ESR2: variants seen among roughly 807,000 people sequenced by gnomAD.
ESR2 encodes the protein estrogen receptor 2.
ESR2 carries 36 observed loss-of-function variants against 49.6 expected under a neutral mutation model. That is an observed-to-expected ratio of 0.73 (90% CI 0.56 to 0.96). The LOEUF is 0.96. Ranked by LOEUF, ESR2 falls within the 40% of genes least tolerant of loss-of-function variation. The pLI is 0.00. For missense variants in ESR2, 714 were observed against 693.0 expected, an observed-to-expected ratio of 1.03 and a Z score of -0.34; for synonymous variants, 320 against 266.1, an observed-to-expected ratio of 1.20 and a Z score of -1.97.
intron 1 of ESR2, among the ~76,000 whole-genome samples, chr14:64,321,261 G>A (rs546569353): frequency 1.1e-3 from 162 of 151,974 alleles, no homozygotes; most frequent in African/African-American, 3.8e-3. Context: ...AAAGCAGATT[G>A]GTGGTTGCCC....
rs1236746314 is a variant in ESR2 at position 64,280,214 on chromosome 14, G to GGA, written c.363-63_363-62dup. ...TAAAAGGGAAAGGAAGGGCTTTCTAGGAAAAAAAAATAGCATGAACATTGC... is the reference window on the plus strand; with the variant it reads ...TAAAAGGGAAAGGAAGGGCTTTCTAGGAGAAAAAAAAATAGCATGAACATTGC... On this transcript the variant is annotated intron_variant, in intron 2 of 8. Transcript: ENST00000341099. 2.5e-6 allele frequency: 3 copies of GGA among 1,188,676 alleles called. No homozygotes were observed. In the African/African-American group the frequency reaches 9.0e-5, roughly 36 times the overall value. 73.6% of individuals were successfully genotyped at this position (1,188,676 alleles called of 1,614,324 possible).
upstream of ESR2, among the ~76,000 whole-genome samples, chr14:64,295,199 A>AC (rs3841304): frequency 3.5e-3 from 509 of 146,306 alleles, 3 homozygotes; most frequent in South Asian, 0.029. Context: ...CATTGTGAGA[A>AC]CCCCCCAGTG....
At chr14:64,266,185 T>C (rs2076324281) in intron 4 of ESR2, among the ~76,000 whole-genome samples, 2 of 152,210 alleles carry the variant, frequency 1.3e-5, no homozygotes, top group Non-Finnish European at 2.9e-5. Context: ...TGAAACAGTG[T>C]TGTATCAAAG....
chr14:64,260,600 C>A lies in ESR2; in HGVS notation c.801G>T (p.Gln267His), dbSNP rs149404315. ...ELLLDALSPE[Q>H]LVLTLLEAEP... ...CAGCCTCCAGGAGGGTGAGCACTAG[C>A]TGCTCGGGGCTCAGGGCGTCCAGCA... Residue 267 changes from glutamine to histidine, a missense_variant, in exon 5 of 9, where the codon CAG becomes CAT. Physicochemically the swap from Gln to His is conservative, Grantham distance 24. Transcript: ENST00000341099. 3.8e-4 allele frequency: 604 copies of A among 1,610,664 alleles called. 3 individuals are homozygous for A. The African/African-American group carries it at 7.4e-3, about 20-fold the overall frequency.
chr14:64,313,889 AAAAGAAAG>A (rs1197600388), intron 1 of ESR2, among the ~76,000 whole-genome samples: 163 of 151,844 alleles, frequency 1.1e-3, no homozygotes, highest in Non-Finnish European at 2.0e-3. Context: ...AAAAAAAAAA[AAAAGAAAG>A]AAAGAAAGAA....
chr14:64,302,374 A>G (rs1175900706), intron 1 of ESR2, among the ~76,000 whole-genome samples: 1 of 151,428 alleles, frequency 6.6e-6, no homozygotes, highest in East Asian at 2.0e-4. Flanking sequence ...TTTTTAGTAG[A>G]GATGGAATTT....
chr14:64,269,210 T>A (rs926297702), intron 3 of ESR2, among the ~76,000 whole-genome samples: 2 of 152,240 alleles, frequency 1.3e-5, no homozygotes, highest in African/African-American at 4.8e-5. Context: ...AAGACTAACA[T>A]TAAATTGATT....
chr14:64,250,348 A>G, intron 6 of ESR2, among the ~76,000 whole-genome samples: 1 of 152,238 alleles, frequency 6.6e-6, no homozygotes, highest in Admixed American at 6.5e-5. Flanking sequence ...TCAAGCAAGG[A>G]TTATCTTTAA....
chr14:64,320,416 T>C (rs888542659), intron 1 of ESR2, among the ~76,000 whole-genome samples: 4 of 150,930 alleles, frequency 2.7e-5, no homozygotes, highest in East Asian at 1.9e-4. Flanking sequence ...AAAAAAGTTG[T>C]GGTTGCCAGA....
Position 64,228,870 on chromosome 14 carries a change from C to A in ESR2, c.*4267G>T, listed in dbSNP as rs2140583916. ...TGGCACTACGATCATACATCACAGA[C>A]AATGCACATCTTAAGAGCTGCCACT... On this transcript the variant is annotated 3_prime_UTR_variant, in exon 9 of 9. Transcript: ENST00000341099. 6.6e-6 allele frequency among the ~76,000 whole-genome samples: 1 copy of A among 152,322 alleles called. No individual in the cohort carries two copies. The highest frequency in any genetic ancestry group is 2.1e-4 in the South Asian group (1 of 4,824).
At chr14:64,262,478 A>G (rs2076243551) in intron 4 of ESR2, among the ~76,000 whole-genome samples, 1 of 152,210 alleles carries the variant, frequency 6.6e-6, no homozygotes, top group South Asian at 2.1e-4. Flanking sequence ...ATAACATGCA[A>G]AATCAGAGAG....
At chr14:64,285,066 G>A (rs560550671) in intron 1 of ESR2, among the ~76,000 whole-genome samples, 117 of 151,954 alleles carry the variant, frequency 7.7e-4, no homozygotes, top group African/African-American at 2.7e-3. Flanking sequence ...GGCCAGGCTC[G>A]TCTTGAAATC....
Position 64,235,164 on chromosome 14 carries a change from A to G in ESR2, c.1226-14T>C. On this transcript the variant is annotated splice_polypyrimidine_tract_variant and intron_variant, in intron 7 of 8. Transcript: ENST00000341099. Reference sequence around the variant, plus strand: ...GAGGGTACATACCTGGACAAAGAATAAAAGCCAGAAGTCATTGCTCTGAGC... The same window carrying G: ...GAGGGTACATACCTGGACAAAGAATGAAAGCCAGAAGTCATTGCTCTGAGC... The G allele has an allele frequency of 6.2e-7, 1 of 1,606,992 alleles. No individual in the cohort carries two copies. The highest frequency in any genetic ancestry group is 8.5e-7 in the Non-Finnish European group (1 of 1,176,160).
intron 1 of ESR2, among the ~76,000 whole-genome samples, chr14:64,320,001 T>C (rs891459911): frequency 1.3e-5 from 2 of 152,184 alleles, no homozygotes; most frequent in African/African-American, 2.4e-5. Context: ...AGCAGCTTTA[T>C]TTATAATTGT....
intron 7 of ESR2, among the ~76,000 whole-genome samples, chr14:64,240,296 C>A (rs1395937779): frequency 6.6e-6 from 1 of 152,190 alleles, no homozygotes; most frequent in Non-Finnish European, 1.5e-5. Context: ...CCTGGCAAGG[C>A]CATCTAGCAG....
At chr14:64,334,136 T>C (rs925608241) in intron 1 of ESR2, among the ~76,000 whole-genome samples, 1 of 152,188 alleles carries the variant, frequency 6.6e-6, no homozygotes, top group Non-Finnish European at 1.5e-5. Flanking sequence ...GAAAAGAACA[T>C]TAAGTGTATG....
At chr14:64,277,975 CAA>C (rs67110377) in intron 3 of ESR2, among the ~76,000 whole-genome samples, 48 of 144,850 alleles carry the variant, frequency 3.3e-4, no homozygotes, top group African/African-American at 3.7e-4. Context: ...TCCCCAAAAG[CAA>C]AAAAAAAAAA....
chr14:64,304,183 T>C (rs561923106), intron 1 of ESR2, among the ~76,000 whole-genome samples: 1 of 152,352 alleles, frequency 6.6e-6, no homozygotes, highest in East Asian at 1.9e-4. Flanking sequence ...GGTGCATGCC[T>C]GTAGTCCTAG....
At chr14:64,273,472 T>A (rs543069080) in intron 3 of ESR2, among the ~76,000 whole-genome samples, 1 of 152,298 alleles carries the variant, frequency 6.6e-6, no homozygotes, top group East Asian at 1.9e-4. Flanking sequence ...TGGGCTGAGG[T>A]ATATTCTGTC....
Sources: allele counts gnomAD v4.1 joint callset (sites outside exome capture counted in the v4.1 genomes callset), GRCh38; gene constraint gnomAD v4.1.1; transcripts MANE v1.5; gene names NCBI Gene and HGNC (gene_info 2026-07-23, HGNC 2026-07-21).